The following GLYATL1 variants were observed in gnomAD, a reference collection of about 807,000 sequenced individuals.
GLYATL1 encodes the protein glycine-N-acyltransferase like 1.
In GLYATL1, 15 loss-of-function variants were observed where a neutral mutation model predicts 20.0. The ratio of observed to expected loss-of-function variants is 0.75; its 90% confidence interval spans 0.50 to 1.15. The LOEUF (loss-of-function observed/expected upper bound fraction) is 1.15. GLYATL1 is among the 50% of genes most tolerant of loss of function. The pLI is 0.00. For missense variants in GLYATL1, 380 were observed against 368.5 expected, an observed-to-expected ratio of 1.03 and a Z score of -0.26; for synonymous variants, 151 against 131.5, an observed-to-expected ratio of 1.15 and a Z score of -1.01.
chr11:58,930,108 ATT>A (rs61636378), intron 1 of GLYATL1, among the ~76,000 whole-genome samples: 3 of 151,584 alleles, frequency 2.0e-5, no homozygotes, highest in Non-Finnish European at 4.4e-5. Flanking sequence ...TTAAAAAAAA[ATT>A]TTTTTCCAAA....
At chr11:58,912,549 G>A (rs958695226), downstream of GLYATL1, among the ~76,000 whole-genome samples, 2 of 152,250 alleles carry the variant, frequency 1.3e-5, no homozygotes, top group Non-Finnish European at 1.5e-5. Flanking sequence ...TGTCTCCATC[G>A]GAGACCCCCA....
At position 58,956,097 on chromosome 11, in the gene GLYATL1, T is replaced by G; in HGVS notation, c.*70T>G. On this transcript the variant is annotated 3_prime_UTR_variant, in exon 7 of 7. Transcript: ENST00000532726. ...TTAAAGCAGACACCACAGAATAGAT[T>G]TCTTCACTTACAAATGCATATTGGG... The G allele has an allele frequency of 7.3e-7, 1 of 1,369,482 alleles. No homozygotes were observed. The highest frequency in any genetic ancestry group is 1.3e-5 in the South Asian group (1 of 75,594). The allele number at this position is 1,369,482 out of a possible 1,614,324, so 84.8% of individuals were successfully genotyped here. A position where few individuals can be genotyped will look rare whatever the true frequency, so the allele number is the denominator to read the frequency against.
intron 1 of GLYATL1, among the ~76,000 whole-genome samples, chr11:58,916,182 G>A (rs916356357): frequency 6.6e-6 from 1 of 152,108 alleles, no homozygotes; most frequent in Non-Finnish European, 1.5e-5. Flanking sequence ...ACTGCCTCCT[G>A]TACTGCCACT....
At chr11:58,943,335 T>C in intron 1 of GLYATL1, 7 of 1,550,730 alleles carry the variant, frequency 4.5e-6, no homozygotes, top group Non-Finnish European at 6.1e-6. Context: ...AAGCGCCCAG[T>C]TGTAACCAAT....
At chr11:58,908,498 C>A (rs1038576406) in exon 2 of GLYATL1, 6 of 211,622 alleles carry the variant, frequency 2.8e-5, no homozygotes, top group South Asian at 1.9e-4. Flanking sequence ...GGGAACAAGT[C>A]ATTTAGTGCT....
intron 1 of GLYATL1, among the ~76,000 whole-genome samples, chr11:58,906,513 C>T (rs1854891205): frequency 6.6e-6 from 1 of 152,020 alleles, no homozygotes; most frequent in Non-Finnish European, 1.5e-5. Flanking sequence ...TTTTAGGACT[C>T]CTAGGTGGAG....
intron 4 of GLYATL1, among the ~76,000 whole-genome samples, chr11:58,953,638 T>C (rs141224412): frequency 6.6e-6 from 1 of 152,292 alleles, no homozygotes; most frequent in East Asian, 1.9e-4. Flanking sequence ...TTTCCTTGAC[T>C]ATTTACTTGG....
intron 1 of GLYATL1, among the ~76,000 whole-genome samples, chr11:58,906,575 A>C (rs935771368): frequency 5.9e-5 from 9 of 152,148 alleles, no homozygotes; most frequent in African/African-American, 2.2e-4. Flanking sequence ...GAAGACCTGA[A>C]TGTGGCAGTC....
At chr11:58,919,391 TG>T (rs1380521598) in intron 1 of GLYATL1, among the ~76,000 whole-genome samples, 1 of 152,182 alleles carries the variant, frequency 6.6e-6, no homozygotes, top group Admixed American at 6.5e-5. Flanking sequence ...AGCAGCTGCT[TG>T]AGTGTCCAGT....
upstream of GLYATL1, among the ~76,000 whole-genome samples, chr11:58,939,139 C>T (rs138319294): frequency 3.0e-3 from 455 of 152,272 alleles, 2 homozygotes; most frequent in African/African-American, 0.01. Context: ...AGGACCCCTA[C>T]GTCCCTCAAA....
downstream of GLYATL1, among the ~76,000 whole-genome samples, chr11:58,911,191 T>C (rs1938785): frequency 0.44 from 66,828 of 152,098 alleles, 15,919 homozygotes; most frequent in Non-Finnish European, 0.54. Flanking sequence ...CATTCCACTG[T>C]GTGAATGTAT....
intron 1 of GLYATL1, among the ~76,000 whole-genome samples, chr11:58,905,824 C>G (rs908965160): frequency 6.6e-6 from 1 of 152,268 alleles, no homozygotes; most frequent in Admixed American, 6.5e-5. Flanking sequence ...CGTGCACTCT[C>G]ATCCCTTTTC....
intron 2 of GLYATL1, 151 bp from the exon 3 acceptor site, chr11:58,946,895 T>C: frequency 1.5e-6 from 1 of 673,394 alleles, no homozygotes; most frequent in Admixed American, 2.3e-5. Context: ...CTTGAGAAAT[T>C]TACTTAGTCC....
At chr11:58,907,184 A>T (rs1350744981) in intron 1 of GLYATL1, 12 of 452,816 alleles carry the variant, frequency 2.7e-5, no homozygotes, top group Non-Finnish European at 5.3e-5. Flanking sequence ...TGAATACTTT[A>T]GGGGAAACCT....
At chr11:58,913,768 T>C (rs1855105690) in intron 1 of GLYATL1, among the ~76,000 whole-genome samples, 1 of 152,220 alleles carries the variant, frequency 6.6e-6, no homozygotes, top group African/African-American at 2.4e-5. Flanking sequence ...AGGTGATATC[T>C]GAGACCTCAA....
At chr11:58,915,606 TAA>T (rs932444258) in intron 1 of GLYATL1, among the ~76,000 whole-genome samples, 15 of 152,296 alleles carry the variant, frequency 9.8e-5, no homozygotes, top group African/African-American at 3.1e-4. Flanking sequence ...TCAGATATAT[TAA>T]GTCATATCCT....
chr11:58,945,414 C>T (rs1023415934), intron 2 of GLYATL1, among the ~76,000 whole-genome samples: 15 of 151,954 alleles, frequency 9.9e-5, no homozygotes, highest in African/African-American at 3.6e-4. Flanking sequence ...TGAGGAGAGG[C>T]CCTCAACAAA....
At chr11:58,941,617 GC>G (rs956281930) in intron 1 of GLYATL1, among the ~76,000 whole-genome samples, 3 of 152,180 alleles carry the variant, frequency 2.0e-5, no homozygotes, top group African/African-American at 7.2e-5. Flanking sequence ...GCCTTATTGA[GC>G]AGGTGGCTTT....
At chr11:58,907,236 T>C (rs759093084) in intron 1 of GLYATL1, 3 of 456,312 alleles carry the variant, frequency 6.6e-6, no homozygotes, top group South Asian at 4.6e-5. Context: ...TCTCTGCCTC[T>C]GCAGGTCACC....
Sources: gnomAD v4.1 joint callset for allele counts (sites outside exome capture counted in the v4.1 genomes callset) on GRCh38, gnomAD v4.1.1 for gene constraint, MANE v1.5 for transcripts, NCBI Gene and HGNC (gene_info 2026-07-23, HGNC 2026-07-21) for gene names.